The following RAI1 variants were observed in gnomAD, a reference collection of about 807,000 sequenced individuals.
RAI1 encodes the protein retinoic acid-induced protein 1.
RAI1 carries 9 observed loss-of-function variants against 123.8 expected under a neutral mutation model. The observed-to-expected ratio is 0.07, with a 90% CI of 0.04 to 0.13. RAI1 has a LOEUF of 0.13. Among genes scored for constraint, RAI1 ranks in the 10% least tolerant of loss-of-function variants. The pLI is 1.00. For missense variants in RAI1, 2,256 were observed against 2,545.8 expected (o/e 0.89, Z 2.45); for synonymous variants, 1,231 against 1,127.3 (o/e 1.09, Z -1.84).
At position 17,810,069 on chromosome 17, in the gene RAI1, C is replaced by G; in HGVS notation, c.*88C>G. ...AGGAGCCGCCTGCGCAGCCCCCGGG[C>G]CTTTGAGCTGCTCCCAGCGCTGGTC... On this transcript the variant is annotated 3_prime_UTR_variant, in exon 6 of 6. Coordinates refer to ENST00000353383, the MANE Select transcript of RAI1 (RefSeq NM_030665.4). This position sits in a 1 kb window ranked among gnomAD's most constrained non-coding sequence, Gnocchi z 4.6. 20 of 1,505,536 alleles carry G rather than the reference C, an allele frequency of 1.3e-5. 1 individual carries two copies. The South Asian group carries it at 2.4e-4, about 18-fold the overall frequency. The allele number at this position is 1,505,536 out of a possible 1,614,324, so 93.3% of individuals were successfully genotyped here.
intron 2 of RAI1, among the ~76,000 whole-genome samples, chr17:17,790,664 A>G (rs927533510): frequency 1.3e-5 from 2 of 152,276 alleles, no homozygotes; most frequent in African/African-American, 4.8e-5. Flanking sequence ...TGATATCCAC[A>G]GGACACTCAG....
chr17:17,787,929 T>G (rs1189835002), intron 2 of RAI1, among the ~76,000 whole-genome samples: 1 of 151,970 alleles, frequency 6.6e-6, no homozygotes, highest in Non-Finnish European at 1.5e-5. Context: ...GAGGGGAGGC[T>G]CCTCAAACAT....
chr17:17,716,696 T>G (rs1055564694), intron 1 of RAI1, among the ~76,000 whole-genome samples: 1 of 151,900 alleles, frequency 6.6e-6, no homozygotes, highest in Non-Finnish European at 1.5e-5. Context: ...TTGTGTTGGG[T>G]GTGTCTACGT....
At chr17:17,707,633 C>T (rs952182771) in intron 1 of RAI1, among the ~76,000 whole-genome samples, 1 of 152,126 alleles carries the variant, frequency 6.6e-6, no homozygotes, top group African/African-American at 2.4e-5. Flanking sequence ...CACTCTGTCA[C>T]CCAGGTTGGA....
At chr17:17,777,655 T>G (rs1376648414) in intron 2 of RAI1, 1 of 152,096 alleles carries the variant, frequency 6.6e-6, no homozygotes, top group Non-Finnish European at 1.5e-5. Flanking sequence ...GACCTGTGTT[T>G]TGGGAAGGGA....
rs747532424 is a variant in RAI1, at chr17:17,796,548, C to G, written c.3600C>G (p.Ser1200Arg). The G allele has an allele frequency of 3.1e-6, 5 of 1,610,950 alleles. No individual in the cohort carries two copies. The highest frequency in any genetic ancestry group is 4.2e-6 in the Non-Finnish European group (5 of 1,179,944). The change falls in exon 3 of 6, where the codon AGC (serine) becomes AGG (arginine). Residue 1200 changes from serine to arginine, a missense_variant. Physicochemically the swap from Ser to Arg is moderately radical, Grantham distance 110. Transcript: ENST00000353383. This position sits in a 1 kb window ranked among gnomAD's most constrained non-coding sequence, Gnocchi z 5.8. ...SSSPQKEGRV[S>R]QRARVPKPGA... The stretch of plus-strand genomic sequence containing the variant: ...GCCCCCAGAAGGAGGGCAGGGTGAG[C>G]CAGCGGGCAAGGGTCCCCAAACCTG...
At chr17:17,713,937 C>T (rs1009349572) in intron 1 of RAI1, among the ~76,000 whole-genome samples, 1 of 152,270 alleles carries the variant, frequency 6.6e-6, no homozygotes, top group Non-Finnish European at 1.5e-5. Flanking sequence ...CGTCTCTGAC[C>T]TTCTGGAATT....
At chr17:17,767,657 G>A (rs796262818) in intron 2 of RAI1, among the ~76,000 whole-genome samples, 7 of 152,226 alleles carry the variant, frequency 4.6e-5, no homozygotes, top group African/African-American at 1.4e-4. Context: ...GGTTTGGAAG[G>A]CTTGCTGTGT....
intron 1 of RAI1, among the ~76,000 whole-genome samples, chr17:17,703,803 G>A (rs1420027214): frequency 1.3e-5 from 2 of 152,212 alleles, no homozygotes; most frequent in Non-Finnish European, 2.9e-5. Flanking sequence ...TTCATGCCTA[G>A]CTGGGACTGT....
At chr17:17,756,913 A>T (rs991458604) in intron 2 of RAI1, among the ~76,000 whole-genome samples, 2 of 152,164 alleles carry the variant, frequency 1.3e-5, no homozygotes, top group Non-Finnish European at 2.9e-5. Context: ...TATTCTGTTC[A>T]TGACTGTTGC....
rs34061744 is a variant in RAI1, at chr17:17,811,403, GAAAAA to G, written c.*1436_*1440del. On this transcript the variant is annotated 3_prime_UTR_variant, in exon 6 of 6. Transcript: ENST00000353383. Reference sequence around the variant, plus strand: ...GAGTAAAAAACAGTCATTGCATTCAGAAAAAAAAAAAAAAAAAAGTCAATAAAGAT... The same window carrying G: ...GAGTAAAAAACAGTCATTGCATTCAGAAAAAAAAAAAAAGTCAATAAAGAT... The G allele has an allele frequency of 1.2e-4, 20 of 163,386 alleles. No homozygotes were observed. The highest frequency in any genetic ancestry group is 5.0e-4 in the South Asian group (6 of 11,974). 10.1% of individuals were successfully genotyped at this position (163,386 alleles called of 1,614,324 possible).
In RAI1 at chr17:17,809,303, G is replaced by A; in HGVS notation, c.5660-87G>A. 4.2e-6 allele frequency: 5 copies of A among 1,193,440 alleles called. No homozygotes were observed. Among genetic ancestry groups the A allele is most frequent in the Non-Finnish European group, 6.3e-6 (5 of 797,776 alleles). 73.9% of individuals were successfully genotyped at this position (1,193,440 alleles called of 1,614,324 possible). A position where few individuals can be genotyped will look rare whatever the true frequency, so the allele number is the denominator to read the frequency against. ...TGCAGTCTGGAGCCTCGCGGGCAGT[G>A]CGGCTCCCCTCCTGGCTGCAGACAA... On this transcript the variant is annotated intron_variant, in intron 4 of 5. Transcript: ENST00000353383. This position sits in a 1 kb window ranked among gnomAD's most constrained non-coding sequence, Gnocchi z 4.9.
rs914404805 is a variant in RAI1 at position 17,794,895 on chromosome 17, C to T, written c.1947C>T (p.Cys649=). Residue 649 remains cysteine, a synonymous_variant, in exon 3 of 6, where the codon TGC becomes TGT. Coordinates refer to ENST00000353383, the MANE Select transcript of RAI1 (RefSeq NM_030665.4). The stretch of plus-strand genomic sequence containing the variant: ...TCTCGCTGGAGAACCACAGCGCCTG[C>T]CTGGACTCTGTGGCCAAGAGTGCGT... ...PPFSLENHSA[C]LDSVAKSAWP... 4 of 1,613,390 alleles carry T rather than the reference C, an allele frequency of 2.5e-6. No homozygotes were observed. Among genetic ancestry groups the T allele is most frequent in the Admixed American group, 3.3e-5 (2 of 60,018 alleles).
At chr17:17,692,429 C>T (rs149643595) in intron 1 of RAI1, among the ~76,000 whole-genome samples, 12 of 152,296 alleles carry the variant, frequency 7.9e-5, no homozygotes, top group African/African-American at 2.4e-4. Context: ...GGGTGGTCCT[C>T]GCTAAGTCTT....
chr17:17,746,980 G>C (rs1235978317), intron 2 of RAI1, among the ~76,000 whole-genome samples: 1 of 152,146 alleles, frequency 6.6e-6, no homozygotes, highest in East Asian at 1.9e-4. Context: ...ACACACACTA[G>C]AGCCATGTTT....
rs575206893 is a variant in RAI1, at chr17:17,804,840, T to TTTTATTTATTTA, written c.5659+1019_5659+1030dup. On this transcript the variant is annotated intron_variant, in intron 4 of 5. Coordinates refer to ENST00000353383, the MANE Select transcript of RAI1 (RefSeq NM_030665.4). ...TGCTGGCTCCTAGTAGTGTTTTTAT[T>TTTTATTTATTTA]TTTATTTATTTATTTATTTATTTAT... is the stretch of plus-strand genomic sequence containing the variant. Among the ~76,000 whole-genome samples the TTTTATTTATTTA allele has an allele frequency of 2.2e-3, 335 of 149,460 alleles. 4 individuals carry two copies. Among genetic ancestry groups the TTTTATTTATTTA allele is most frequent in the African/African-American group, 7.1e-3 (283 of 39,632 alleles).
In RAI1 at chr17:17,806,839, CAG is replaced by C. The variant is rs146103316; in HGVS notation, c.5660-2547_5660-2546del. Among the ~76,000 whole-genome samples the C allele has an allele frequency of 2.0e-5, 3 of 152,294 alleles. No individual in the cohort carries two copies. In the East Asian group the frequency reaches 5.8e-4, roughly 30 times the overall value. ...GCCAAAGCAGGTCCCAAGTCCAGCA[CAG>C]AGAAGTGCAGGCCACCTGGGGTGAG... On this transcript the variant is annotated intron_variant, in intron 4 of 5. Transcript: ENST00000353383.
At chr17:17,790,071 C>G (rs1007331396) in intron 2 of RAI1, among the ~76,000 whole-genome samples, 2 of 152,200 alleles carry the variant, frequency 1.3e-5, no homozygotes, top group African/African-American at 4.8e-5. Context: ...TCTCCTGAGG[C>G]CTGCCCAGCC....
At chr17:17,694,932 C>G (rs774492560) in intron 1 of RAI1, among the ~76,000 whole-genome samples, 1 of 152,038 alleles carries the variant, frequency 6.6e-6, no homozygotes, top group African/African-American at 2.4e-5. Flanking sequence ...TTGCGGGTTA[C>G]CGGGCCAGGC....
Sources: allele counts gnomAD v4.1 joint callset (sites outside exome capture counted in the v4.1 genomes callset), GRCh38; gene constraint gnomAD v4.1.1; non-coding constraint Gnocchi (gnomAD v3.1); transcripts MANE v1.5; gene names NCBI Gene and HGNC (gene_info 2026-07-23, HGNC 2026-07-21).